Variants in CLIP4 observed in about 807,000 individuals in gnomAD.
CLIP4 encodes CAP-Gly domain-containing linker protein 4.
CLIP4 carries 47 observed loss-of-function variants against 73.1 expected under a neutral mutation model. That is an observed-to-expected ratio of 0.64 (90% CI 0.51 to 0.82). The LOEUF is 0.82. Ranked by LOEUF, CLIP4 falls within the 40% of genes least tolerant of loss-of-function variation. The pLI, the probability that CLIP4 is intolerant of heterozygous loss-of-function variation, is 0.00. For missense variants in CLIP4, 874 were observed against 852.9 expected, an observed-to-expected ratio of 1.02 and a Z score of -0.31; for synonymous variants, 306 against 295.4, an observed-to-expected ratio of 1.04 and a Z score of -0.37.
intron 13 of CLIP4, among the ~76,000 whole-genome samples, chr2:29,164,620 A>G (rs1359160788): frequency 6.6e-6 from 1 of 152,170 alleles, no homozygotes; most frequent in Non-Finnish European, 1.5e-5. Flanking sequence ...CTTTTAGCGG[A>G]TGGGAAATGG....
Position 29,163,926 on chromosome 2 carries a change from A to G in CLIP4, c.1630A>G (p.Ile544Val), listed in dbSNP as rs1311169477. ...QYFSCSPRYGIFAPPSRVQRV... is the reference protein window; with the variant it reads ...QYFSCSPRYGVFAPPSRVQRV... ...TTTTAGCTGTTCTCCAAGATATGGA[A>G]TATTTGCTCCCCCATCCAGGGTGCA... Residue 544 changes from isoleucine (I) to valine (V), a missense_variant, in exon 13 of 16, where the codon ATA (isoleucine) becomes GTA (valine). Physicochemically the swap from Ile to Val is conservative, Grantham distance 29 (BLOSUM62 3). Coordinates refer to ENST00000320081, the MANE Select transcript of CLIP4 (RefSeq NM_024692.6). The G allele has an allele frequency of 4.3e-6, 7 of 1,613,454 alleles. No individual in the cohort carries two copies. In the Admixed American group the frequency reaches 6.7e-5, roughly 15 times the overall value.
chr2:29,171,750 C>T (rs1366371031), intron 14 of CLIP4, among the ~76,000 whole-genome samples: 1 of 152,056 alleles, frequency 6.6e-6, no homozygotes, highest in Non-Finnish European at 1.5e-5. Flanking sequence ...GATCTCCTGA[C>T]CTTGTGATCT....
At chr2:29,125,507 A>G (rs1364587406) in intron 2 of CLIP4, among the ~76,000 whole-genome samples, 1 of 152,082 alleles carries the variant, frequency 6.6e-6, no homozygotes, top group Non-Finnish European at 1.5e-5. Flanking sequence ...TCCTCGACTC[A>G]GTGAGTCCAG....
intron 4 of CLIP4, chr2:29,132,492 G>A: frequency 2.2e-6 from 1 of 451,368 alleles, no homozygotes; most frequent in Non-Finnish European, 3.9e-6. Context: ...CATAATAGAT[G>A]AGAGTAACTA....
rs190600428 is a variant in CLIP4, at chr2:29,171,611, C to T, written c.1724-2762C>T. Among the ~76,000 whole-genome samples the T allele has an allele frequency of 5.9e-4, 90 of 151,872 alleles. 1 individual carries two copies. The East Asian group carries it at 0.015, about 25-fold the overall frequency. On this transcript the variant is annotated intron_variant, in intron 14 of 15. Transcript: ENST00000320081. Reference sequence around the variant, plus strand: ...TTGGCTCACTGCAAACTCCATCTCCCGGGTTCACGCCATCCTCCTGCCTCA... The same window carrying T: ...TTGGCTCACTGCAAACTCCATCTCCTGGGTTCACGCCATCCTCCTGCCTCA...
At chr2:29,123,065 G>A (rs557533376) in intron 2 of CLIP4, among the ~76,000 whole-genome samples, 1 of 152,232 alleles carries the variant, frequency 6.6e-6, no homozygotes, top group South Asian at 2.1e-4. Context: ...CTCAAAATTG[G>A]TCTCCCTGAA....
In CLIP4 at chr2:29,182,092, A is replaced by G. The variant is rs1028691811; in HGVS notation, c.*199A>G. 2 of 415,186 alleles carry G rather than the reference A, an allele frequency of 4.8e-6. No homozygotes were observed. Among genetic ancestry groups the G allele is most frequent in the East Asian group, 3.8e-5 (1 of 26,034 alleles). The allele number at this position is 415,186 out of a possible 1,614,324, so 25.7% of individuals were successfully genotyped here. A position where few individuals can be genotyped will look rare whatever the true frequency, so the allele number is the denominator to read the frequency against. On this transcript the variant is annotated 3_prime_UTR_variant, in exon 16 of 16. Coordinates refer to ENST00000320081, the MANE Select transcript of CLIP4 (RefSeq NM_024692.6). ...GGGGAATCATGGTTCTTTTAAAGCA[A>G]TTTTCAAAATAAGTACCAATTAAAG... is the stretch of plus-strand genomic sequence containing the variant.
At chr2:29,160,540 G>T in intron 12 of CLIP4, 73 bp downstream of exon 12, 12 of 1,513,640 alleles carry the variant, frequency 7.9e-6, no homozygotes, top group Non-Finnish European at 1.1e-5. Context: ...CATGTAAATA[G>T]AATTTAATTG....
At chr2:29,172,475 T>C (rs550453405) in intron 14 of CLIP4, among the ~76,000 whole-genome samples, 6 of 152,290 alleles carry the variant, frequency 3.9e-5, no homozygotes, top group African/African-American at 1.4e-4. Context: ...GCTTCTGTCA[T>C]TGTTGATGAG....
chr2:29,120,320 C>G (rs1218600450), intron 1 of CLIP4, among the ~76,000 whole-genome samples: 2 of 152,088 alleles, frequency 1.3e-5, no homozygotes, highest in Non-Finnish European at 2.9e-5. Flanking sequence ...AAACATGAAT[C>G]AAGTTAGGAA....
At position 29,129,085 on chromosome 2, in the gene CLIP4, C is replaced by G. The variant is rs548766705; in HGVS notation, c.134-2173C>G. 1.4e-4 allele frequency among the ~76,000 whole-genome samples: 22 copies of G among 152,256 alleles called. No homozygotes were observed. The South Asian group carries it at 4.6e-3, about 32-fold the overall frequency. Reference sequence around the variant, plus strand: ...ATGCTTGGATTACTTACGAAAATTTCATGAGACATTAAATAGCTAAGCATC... The same window carrying G: ...ATGCTTGGATTACTTACGAAAATTTGATGAGACATTAAATAGCTAAGCATC... On this transcript the variant is annotated intron_variant, in intron 2 of 15. Transcript: ENST00000320081.
chr2:29,169,548 G>T (rs1300794739), intron 14 of CLIP4, among the ~76,000 whole-genome samples: 1 of 151,830 alleles, frequency 6.6e-6, no homozygotes, highest in East Asian at 1.9e-4. Flanking sequence ...GAGTTTTTGG[G>T]GTGCAAAATT....
At chr2:29,171,834 A>T (rs373540441) in intron 14 of CLIP4, among the ~76,000 whole-genome samples, 20 of 152,118 alleles carry the variant, frequency 1.3e-4, no homozygotes, top group East Asian at 3.9e-4. Flanking sequence ...TTACTTTTTT[A>T]AAAAAATCTG....
chr2:29,159,053 C>A (rs10195901), intron 11 of CLIP4, among the ~76,000 whole-genome samples: 58,458 of 152,074 alleles, frequency 0.38, 12,149 homozygotes, highest in East Asian at 0.77. Flanking sequence ...CACTTACTGG[C>A]TGTTAACAGT....
chr2:29,143,355 C>T (rs1665909893), intron 6 of CLIP4, among the ~76,000 whole-genome samples: 1 of 151,810 alleles, frequency 6.6e-6, no homozygotes, highest in African/African-American at 2.4e-5. Flanking sequence ...TAAAGAGTTT[C>T]CCCTACAACC....
At chr2:29,131,462 C>G in intron 3 of CLIP4, 65 bp downstream of exon 3, 1 of 1,494,878 alleles carries the variant, frequency 6.7e-7, no homozygotes, top group Non-Finnish European at 9.0e-7. Flanking sequence ...ATTTTTTTCC[C>G]CATCTGAAAG....
intron 14 of CLIP4, among the ~76,000 whole-genome samples, chr2:29,172,534 T>A (rs985266389): frequency 6.6e-6 from 1 of 152,236 alleles, no homozygotes; most frequent in East Asian, 1.9e-4. Flanking sequence ...CACTATCATG[T>A]CTAGGTAGAG....
At chr2:29,107,804 A>G (rs1188115195) in intron 1 of CLIP4, among the ~76,000 whole-genome samples, 1 of 152,180 alleles carries the variant, frequency 6.6e-6, no homozygotes, top group East Asian at 1.9e-4. Flanking sequence ...CTCCTGCCTC[A>G]GCCTCCCAAG....
At position 29,119,498 on chromosome 2, in the gene CLIP4, TAA is replaced by T. The variant is rs531749186; in HGVS notation, c.-15-1875_-15-1874del. On this transcript the variant is annotated intron_variant, in intron 1 of 15. Transcript: ENST00000320081. ...CCACTGAATCTTTTTGCTGAAGAAT[TAA>T]GAGTATAAAAACATGTCTGAGTCCC... Among the ~76,000 whole-genome samples the T allele has an allele frequency of 1.7e-3, 262 of 152,318 alleles. 1 individual carries two copies. Among genetic ancestry groups the T allele is most frequent in the African/African-American group, 6.1e-3 (255 of 41,572 alleles).
Sources: allele counts gnomAD v4.1 joint callset (sites outside exome capture counted in the v4.1 genomes callset), GRCh38; gene constraint gnomAD v4.1.1; transcripts MANE v1.5; gene names NCBI Gene and HGNC (gene_info 2026-07-23, HGNC 2026-07-21).